STAMBPL1: variants seen among roughly 807,000 people sequenced by gnomAD.
The protein encoded by STAMBPL1 is AMSH-like protease.
Under a neutral mutation model 52.9 loss-of-function variants are expected in STAMBPL1, and 44 were observed. That is an observed-to-expected ratio of 0.83 (90% CI 0.65 to 1.07). The LOEUF is 1.07. Among genes scored for constraint, STAMBPL1 ranks in the 50% least tolerant of loss-of-function variants. The pLI is 0.00. For synonymous variants in STAMBPL1, 164 were observed against 177.3 expected (o/e 0.92, Z 0.60); for missense variants, 511 against 520.8 (o/e 0.98, Z 0.18).
intron 1 of STAMBPL1, among the ~76,000 whole-genome samples, chr10:88,887,052 C>G (rs1364652469): frequency 6.6e-6 from 1 of 152,010 alleles, no homozygotes; most frequent in Non-Finnish European, 1.5e-5. Context: ...TCTGTTTTGT[C>G]CTTGAAAGGT....
At chr10:88,912,914 T>A in intron 5 of STAMBPL1, 187 bp from the exon 6 acceptor site, 1 of 623,072 alleles carries the variant, frequency 1.6e-6, no homozygotes, top group Non-Finnish European at 2.8e-6. Flanking sequence ...AGAACTGCTA[T>A]GTTAATCAGA....
intron 1 of STAMBPL1, among the ~76,000 whole-genome samples, chr10:88,887,978 G>A (rs1355290297): frequency 5.3e-5 from 8 of 152,162 alleles, no homozygotes; most frequent in Admixed American, 5.2e-4. Flanking sequence ...GATTTCGATA[G>A]ACAGTTTCAT....
chr10:88,913,934 C>T (rs1375974319), intron 6 of STAMBPL1, among the ~76,000 whole-genome samples: 3 of 152,102 alleles, frequency 2.0e-5, no homozygotes, highest in Non-Finnish European at 2.9e-5. Flanking sequence ...CCAAATGGAC[C>T]GTGTGTTTCC....
rs745432582 is a variant in STAMBPL1, at chr10:88,913,309, C to T, written c.629C>T (p.Ala210Val). ...CTGTCAGAGCAGATTGATGGGAGCG[C>T]TTTGTCCTGCTTTTCCACACACCAG... is the stretch of plus-strand genomic sequence containing the variant. ...SGLSEQIDGS[A>V]LSCFSTHQNN... Residue 210 changes from alanine (A) to valine (V), a missense_variant, in exon 6 of 11, where the codon GCT becomes GTT. This residue lies in a region of STAMBPL1 where 358 missense variants were observed against 343.5 expected (regional missense o/e 1.04). Coordinates refer to ENST00000371926, the MANE Select transcript of STAMBPL1 (RefSeq NM_020799.4). 6.2e-6 allele frequency: 10 copies of T among 1,613,884 alleles called. No individual in the cohort carries two copies. Among genetic ancestry groups the T allele is most frequent in the South Asian group, 5.5e-5 (5 of 91,080 alleles).
chr10:88,901,884 G>A, intron 2 of STAMBPL1, 146 bp downstream of exon 2: 3 of 687,672 alleles, frequency 4.4e-6, no homozygotes, highest in Non-Finnish European at 4.7e-6. Context: ...TCTTCTTTGA[G>A]GAAGTGACTA....
rs746988380 is a variant in STAMBPL1, at chr10:88,914,675, TAA to T, written c.903+19_903+20del. Reference sequence around the variant, plus strand: ...GGAAAACTGGTATGATCTTTTTATATAAATATATATATATATATATCTGCATA... The same window carrying T: ...GGAAAACTGGTATGATCTTTTTATATATATATATATATATATATCTGCATA... On this transcript the variant is annotated intron_variant, in intron 7 of 10. Transcript: ENST00000371926. 1.6e-5 allele frequency: 16 copies of T among 1,015,256 alleles called. No individual in the cohort carries two copies. The South Asian group carries it at 1.8e-4, about 11-fold the overall frequency. 62.9% of individuals were successfully genotyped at this position (1,015,256 alleles called of 1,614,324 possible).
At chr10:88,896,886 AAAAG>A (rs1454364712) in intron 1 of STAMBPL1, among the ~76,000 whole-genome samples, 28 of 152,240 alleles carry the variant, frequency 1.8e-4, no homozygotes, top group Admixed American at 3.9e-4. Context: ...TATTTTAAGA[AAAAG>A]AAAGAAAGAA....
At chr10:88,897,478 G>A (rs2133152096) in intron 1 of STAMBPL1, among the ~76,000 whole-genome samples, 2 of 152,316 alleles carry the variant, frequency 1.3e-5, no homozygotes, top group South Asian at 4.1e-4. Flanking sequence ...GAGCTCTGAA[G>A]CAAGAACTCT....
intron 2 of STAMBPL1, among the ~76,000 whole-genome samples, chr10:88,904,364 A>G (rs1003416635): frequency 2.6e-5 from 4 of 152,230 alleles, no homozygotes; most frequent in Non-Finnish European, 5.9e-5. Flanking sequence ...AGGAATTTGC[A>G]TTTGTAAGAA....
chr10:88,922,199 A>G (rs1845529794), intron 9 of STAMBPL1, 138 bp from the exon 10 acceptor site: 2 of 835,296 alleles, frequency 2.4e-6, no homozygotes, highest in South Asian at 3.5e-5. Flanking sequence ...GTTTAAAAAA[A>G]AAATCACTAT....
At chr10:88,881,129 T>C (rs1399856949) in intron 1 of STAMBPL1, among the ~76,000 whole-genome samples, 2 of 152,118 alleles carry the variant, frequency 1.3e-5, no homozygotes, top group Non-Finnish European at 2.9e-5. Flanking sequence ...TTCCAGATGA[T>C]GTTACTTTTA....
intron 1 of STAMBPL1, among the ~76,000 whole-genome samples, chr10:88,891,554 G>T (rs1434545058): frequency 6.6e-6 from 1 of 152,140 alleles, no homozygotes; most frequent in Non-Finnish European, 1.5e-5. Flanking sequence ...GGAGAAACCT[G>T]ACCGATATAA....
At chr10:88,891,065 A>G (rs1844669470) in intron 1 of STAMBPL1, among the ~76,000 whole-genome samples, 1 of 152,218 alleles carries the variant, frequency 6.6e-6, no homozygotes, top group African/African-American at 2.4e-5. Context: ...CCGAGTTATA[A>G]TTGAGGCAGA....
In STAMBPL1 at chr10:88,901,699, A is replaced by G; in HGVS notation, c.-10A>G. The G allele has an allele frequency of 1.2e-6, 2 of 1,610,768 alleles. No homozygotes were observed. Among genetic ancestry groups the G allele is most frequent in the East Asian group, 2.2e-5 (1 of 44,588 alleles). ...AACAGTGAACATCCTCATTTCACAGATAAGACAACATGGATCAGCCTTTTA... is the reference window on the plus strand; with the variant it reads ...AACAGTGAACATCCTCATTTCACAGGTAAGACAACATGGATCAGCCTTTTA... On this transcript the variant is annotated 5_prime_UTR_variant, in exon 2 of 11. Transcript: ENST00000371926.
intron 9 of STAMBPL1, among the ~76,000 whole-genome samples, chr10:88,921,608 G>C (rs1845513817): frequency 6.6e-6 from 1 of 152,160 alleles, no homozygotes. Flanking sequence ...TCTTCAGTTA[G>C]CGTGACTTTG....
At chr10:88,922,579 A>G (rs987592939) in intron 10 of STAMBPL1, 143 bp downstream of exon 10, 25 of 656,200 alleles carry the variant, frequency 3.8e-5, no homozygotes, top group Admixed American at 2.1e-4. Flanking sequence ...AAATTAATCT[A>G]TCTGTATACT....
intron 10 of STAMBPL1, 84 bp from the exon 11 acceptor site, chr10:88,923,084 C>A: frequency 1.1e-6 from 1 of 915,940 alleles, no homozygotes; most frequent in Non-Finnish European, 1.7e-6. Flanking sequence ...ATTAGGAAAT[C>A]TATACTTCCT....
intron 1 of STAMBPL1, among the ~76,000 whole-genome samples, chr10:88,889,894 A>G (rs746232438): frequency 3.9e-5 from 6 of 152,226 alleles, no homozygotes; most frequent in Admixed American, 6.5e-5. Context: ...TTAATCTGCA[A>G]TAGTTCCTAA....
intron 5 of STAMBPL1, among the ~76,000 whole-genome samples, chr10:88,911,881 A>C (rs1845234035): frequency 6.6e-6 from 1 of 152,170 alleles, no homozygotes; most frequent in South Asian, 2.1e-4. Flanking sequence ...ATTTTCTTGG[A>C]GGGTAAGACA....
Sources: allele counts gnomAD v4.1 joint callset (sites outside exome capture counted in the v4.1 genomes callset), GRCh38; gene constraint gnomAD v4.1.1; regional missense constraint gnomAD v4.1.1; transcripts MANE v1.5; gene names NCBI Gene and HGNC (gene_info 2026-07-23, HGNC 2026-07-21).